ERC1: variants seen among roughly 807,000 people sequenced by gnomAD.
ERC1 encodes RAB6 interacting protein 2.
A neutral mutation model predicts 132.0 loss-of-function variants in ERC1; 56 were observed. The observed-to-expected ratio is 0.42, with a 90% CI of 0.34 to 0.53. The LOEUF is 0.53. ERC1 is among the 20% of genes least tolerant of loss of function. ERC1 has a pLI of 0.03. For missense variants in ERC1, 1,202 were observed against 1,349.9 expected, an observed-to-expected ratio of 0.89 and a Z score of 1.72; for synonymous variants, 478 against 476.1, an observed-to-expected ratio of 1.00 and a Z score of -0.05.
chr12:1,038,130 T>C (rs367757439), intron 2 of ERC1, among the ~76,000 whole-genome samples: 1 of 152,084 alleles, frequency 6.6e-6, no homozygotes, highest in African/African-American at 2.4e-5. Flanking sequence ...TCACTAGAAG[T>C]GGTCACTGGG....
chr12:1,131,753 C>T (rs150907816), intron 7 of ERC1, among the ~76,000 whole-genome samples: 2,396 of 152,212 alleles, frequency 0.016, 25 homozygotes, highest in Non-Finnish European at 0.025. Flanking sequence ...TGTGAGCCAC[C>T]GCGCCCAGCC....
At chr12:1,340,690 T>A (rs1283325793) in intron 15 of ERC1, among the ~76,000 whole-genome samples, 3 of 152,100 alleles carry the variant, frequency 2.0e-5, no homozygotes, top group African/African-American at 7.2e-5. Context: ...CCTCTGAAGG[T>A]CTGTTGTGCC....
At position 1,494,802 on chromosome 12, in the gene ERC1, A is replaced by G. The variant is rs189019271; in HGVS notation, c.*4572A>G. 260 of 230,342 alleles carry G rather than the reference A, an allele frequency of 1.1e-3. 2 individuals carry two copies. Among genetic ancestry groups the G allele is most frequent in the Middle Eastern group, 3.9e-3 (3 of 764 alleles). 14.3% of individuals were successfully genotyped at this position (230,342 alleles called of 1,614,324 possible). ...TTAAAAGATTAAAACGTAGTTGTAG[A>G]AATGAAAAATTAAACAGCTGTGTTT... On this transcript the variant is annotated 3_prime_UTR_variant, in exon 19 of 19. Transcript: ENST00000360905.
intron 15 of ERC1, among the ~76,000 whole-genome samples, chr12:1,334,776 GGT>G (rs2083171036): frequency 6.6e-6 from 1 of 152,218 alleles, no homozygotes; most frequent in South Asian, 2.1e-4. Context: ...GAATGTCATT[GGT>G]AGTTTGATAG....
In ERC1 at chr12:1,394,015, C is replaced by CAAA. The variant is rs1216337061; in HGVS notation, c.2926-14118_2926-14116dup. Among the ~76,000 whole-genome samples the CAAA allele has an allele frequency of 7.2e-3, 194 of 26,872 alleles. 10 individuals carry two copies. The highest frequency in any genetic ancestry group is 0.031 in the African/African-American group (176 of 5,658). The allele number at this position is 26,872 out of a possible 152,430, so 17.6% of individuals were successfully genotyped here. A position where few individuals can be genotyped will look rare whatever the true frequency, so the allele number is the denominator to read the frequency against. ...TGGGTGACAGAGTGAGACTCCGTCT[C>CAAA]AAAAAAAAAAAAAAAAAACAAAAAA... On this transcript the variant is annotated intron_variant, in intron 16 of 18. Coordinates refer to ENST00000360905, the MANE Select transcript of ERC1 (RefSeq NM_178040.4).
At chr12:1,386,762 C>T (rs958770754) in intron 16 of ERC1, 1 of 152,106 alleles carries the variant, frequency 6.6e-6, no homozygotes, top group South Asian at 2.1e-4. Flanking sequence ...ATTGCCGACA[C>T]CCCAGCAACC....
At chr12:1,239,710 C>T (rs548985784) in intron 13 of ERC1, among the ~76,000 whole-genome samples, 39 of 152,114 alleles carry the variant, frequency 2.6e-4, no homozygotes, top group African/African-American at 9.2e-4. Flanking sequence ...AGGGCAAGGC[C>T]CTGTCTCTAA....
chr12:1,440,426 T>C (rs985174857), intron 17 of ERC1, among the ~76,000 whole-genome samples: 23 of 150,972 alleles, frequency 1.5e-4, no homozygotes, highest in Non-Finnish European at 2.7e-4. Context: ...CAGGATGGTC[T>C]CGATCTCCTG....
chr12:1,195,577 A>G (rs1956142095), intron 12 of ERC1, among the ~76,000 whole-genome samples: 1 of 152,200 alleles, frequency 6.6e-6, no homozygotes, highest in Non-Finnish European at 1.5e-5. Flanking sequence ...TATAAGACAG[A>G]CTTGCAAGAA....
At chr12:1,296,214 A>G (rs2079921171) in intron 15 of ERC1, among the ~76,000 whole-genome samples, 1 of 151,872 alleles carries the variant, frequency 6.6e-6, no homozygotes, top group South Asian at 2.1e-4. Context: ...TATAGTCCCA[A>G]CTACTTGGGA....
chr12:1,076,046 T>C (rs1183865810), intron 2 of ERC1, among the ~76,000 whole-genome samples: 1 of 152,226 alleles, frequency 6.6e-6, no homozygotes, highest in African/African-American at 2.4e-5. Flanking sequence ...TTGAATATAT[T>C]GCATGTAAAA....
chr12:1,425,108 G>A (rs994876986), intron 17 of ERC1, among the ~76,000 whole-genome samples: 2 of 152,106 alleles, frequency 1.3e-5, no homozygotes, highest in African/African-American at 2.4e-5. Flanking sequence ...ACTGCTTAGA[G>A]TAGAACAGGG....
chr12:1,241,769 A>C (rs1269661495), intron 13 of ERC1, among the ~76,000 whole-genome samples: 1 of 151,856 alleles, frequency 6.6e-6, no homozygotes, highest in Non-Finnish European at 1.5e-5. Flanking sequence ...CATATGCTAC[A>C]TAATCACACA....
At chr12:1,433,123 A>C (rs1211009656) in intron 17 of ERC1, among the ~76,000 whole-genome samples, 1 of 152,232 alleles carries the variant, frequency 6.6e-6, no homozygotes, top group Non-Finnish European at 1.5e-5. Flanking sequence ...AGAAATGTTT[A>C]GGTAGATGCA....
chr12:1,250,973 T>C (rs140574734), intron 13 of ERC1, among the ~76,000 whole-genome samples: 1 of 152,270 alleles, frequency 6.6e-6, no homozygotes, highest in East Asian at 1.9e-4. Context: ...GTGAAAACAA[T>C]GGAAATAGAG....
At chr12:1,044,232 A>G (rs554456190) in intron 2 of ERC1, among the ~76,000 whole-genome samples, 15 of 152,316 alleles carry the variant, frequency 9.8e-5, no homozygotes, top group Admixed American at 8.5e-4. Context: ...TTTAAAACCC[A>G]TAGAGTTGGA....
At chr12:1,228,511 C>T (rs1003038789) in intron 12 of ERC1, among the ~76,000 whole-genome samples, 13 of 151,940 alleles carry the variant, frequency 8.6e-5, no homozygotes, top group African/African-American at 3.1e-4. Flanking sequence ...TTGTATTTTC[C>T]AGTTTGTGTG....
At chr12:1,482,317 C>T (rs979095523) in intron 18 of ERC1, among the ~76,000 whole-genome samples, 1 of 152,228 alleles carries the variant, frequency 6.6e-6, no homozygotes, top group East Asian at 1.9e-4. Context: ...CCCACCCCCC[C>T]AACCCTGCCT....
intron 2 of ERC1, among the ~76,000 whole-genome samples, chr12:1,054,795 T>G (rs1412765303): frequency 6.6e-6 from 1 of 152,154 alleles, no homozygotes; most frequent in Non-Finnish European, 1.5e-5. Flanking sequence ...TTTGAGAGAT[T>G]TTTTTCAAAA....
Sources: allele counts gnomAD v4.1 joint callset (sites outside exome capture counted in the v4.1 genomes callset), GRCh38; gene constraint gnomAD v4.1.1; transcripts MANE v1.5; gene names NCBI Gene and HGNC (gene_info 2026-07-23, HGNC 2026-07-21).